Variants in NEURL1 observed in about 807,000 individuals in gnomAD.
The protein encoded by NEURL1 is E3 ubiquitin-protein ligase NEURL1.
NEURL1 carries 26 observed loss-of-function variants against 41.2 expected under a neutral mutation model. The observed-to-expected ratio is 0.63, with a 90% CI of 0.46 to 0.87. NEURL1 has a LOEUF of 0.87. NEURL1 is among the 40% of genes least tolerant of loss of function. The pLI, the probability that NEURL1 is intolerant of heterozygous loss-of-function variation, is 0.00. For synonymous variants in NEURL1, 400 were observed against 402.3 expected, an observed-to-expected ratio of 0.99 and a Z score of 0.07; for missense variants, 761 against 871.1, an observed-to-expected ratio of 0.87 and a Z score of 1.59.
At chr10:103,505,327 A>G (rs2033923558) in intron 1 of NEURL1, among the ~76,000 whole-genome samples, 2 of 151,598 alleles carry the variant, frequency 1.3e-5, no homozygotes, top group Admixed American at 1.3e-4. Flanking sequence ...GGTTCAAGCA[A>G]TTCTCTCTGC....
chr10:103,571,998 A>G (rs2035561732), intron 3 of NEURL1, among the ~76,000 whole-genome samples, 176 bp downstream of exon 3: 1 of 152,144 alleles, frequency 6.6e-6, no homozygotes, highest in Admixed American at 6.5e-5. Context: ...CCTTTCCTCC[A>G]GGCCCGTGGC....
Position 103,494,177 on chromosome 10 carries a change from G to C in NEURL1, c.-211G>C. 4.1e-6 allele frequency: 2 copies of C among 490,350 alleles called. No homozygotes were observed. The allele number at this position is 490,350 out of a possible 1,614,324, so 30.4% of individuals were successfully genotyped here. ...ATGGGAGGCAGGTAGCCCAGCCTGC[G>C]CCAGGACACCCGTGGCGGGCGGAAC... is the stretch of plus-strand genomic sequence containing the variant. On this transcript the variant is annotated 5_prime_UTR_variant, in exon 1 of 6. Coordinates refer to ENST00000369780, the MANE Select transcript of NEURL1 (RefSeq NM_004210.5).
At chr10:103,510,184 T>C (rs1199985476) in intron 1 of NEURL1, among the ~76,000 whole-genome samples, 3 of 152,090 alleles carry the variant, frequency 2.0e-5, no homozygotes, top group Admixed American at 6.5e-5. Flanking sequence ...AGACTGTTTG[T>C]GGGTAAGTCA....
At chr10:103,529,991 A>G (rs1005398863) in intron 1 of NEURL1, among the ~76,000 whole-genome samples, 1 of 152,168 alleles carries the variant, frequency 6.6e-6, no homozygotes, top group African/African-American at 2.4e-5. Context: ...AAAGAAACAA[A>G]AGAGTGGCTA....
chr10:103,535,328 T>G (rs2034668745), intron 1 of NEURL1, among the ~76,000 whole-genome samples: 1 of 152,090 alleles, frequency 6.6e-6, no homozygotes, highest in African/African-American at 2.4e-5. Flanking sequence ...GTTTGGCCTG[T>G]AGGGCAGGAT....
intron 5 of NEURL1, among the ~76,000 whole-genome samples, 187 bp from the exon 6 acceptor site, chr10:103,589,947 G>A (rs1233850051): frequency 1.3e-5 from 2 of 152,246 alleles, no homozygotes; most frequent in Non-Finnish European, 2.9e-5. Context: ...TGGGGTTGGA[G>A]TGGGTCAGAA....
In NEURL1 at chr10:103,558,186, T is replaced by A; in HGVS notation, c.86-12686T>A. The A allele has an allele frequency of 1.0e-6, 1 of 985,412 alleles. No homozygotes were observed. The highest frequency in any genetic ancestry group is 1.2e-6 in the Non-Finnish European group (1 of 829,956). 61.0% of individuals were successfully genotyped at this position (985,412 alleles called of 1,614,324 possible). ...AGCCACCGCGCTTGGCTGATTGTAT[T>A]TTCTTTAGGGCCTTGGACTTTCGGC... On this transcript the variant is annotated intron_variant, in intron 1 of 5. Coordinates refer to ENST00000369780, the MANE Select transcript of NEURL1 (RefSeq NM_004210.5). This position sits in a 1 kb window ranked among gnomAD's most constrained non-coding sequence, Gnocchi z 4.2.
rs544363049 is a variant in NEURL1, at chr10:103,512,367, A to T, written c.85+17895A>T. Among the ~76,000 whole-genome samples the T allele has an allele frequency of 1.1e-3, 165 of 152,332 alleles. 1 individual carries two copies. The highest frequency in any genetic ancestry group is 0.01 in the Middle Eastern group (3 of 294). ...CCATGAGGCAAGGCTGACCAGTGAC[A>T]GTGTGGCCTGAGGCTGTGCAGCCAA... is the stretch of plus-strand genomic sequence containing the variant. On this transcript the variant is annotated intron_variant, in intron 1 of 5. Transcript: ENST00000369780.
At chr10:103,528,534 CA>C (rs199861549) in intron 1 of NEURL1, among the ~76,000 whole-genome samples, 4,212 of 67,774 alleles carry the variant, frequency 0.062, 94 homozygotes, top group Admixed American at 0.14. Flanking sequence ...GACTCCGTCT[CA>C]AAAAAAAAAA....
chr10:103,563,604 G>C (rs2035354024), intron 1 of NEURL1, among the ~76,000 whole-genome samples: 1 of 152,222 alleles, frequency 6.6e-6, no homozygotes, highest in Admixed American at 6.5e-5. Context: ...GAGAGGCGCA[G>C]ATGAGGCAGA....
At chr10:103,507,656 T>G (rs1044025145) in intron 1 of NEURL1, among the ~76,000 whole-genome samples, 3 of 152,056 alleles carry the variant, frequency 2.0e-5, no homozygotes, top group South Asian at 2.1e-4. Context: ...GTGTGAGGTT[T>G]TACAGCCAGG....
At chr10:103,510,794 G>T (rs1336346059) in intron 1 of NEURL1, among the ~76,000 whole-genome samples, 1 of 152,194 alleles carries the variant, frequency 6.6e-6, no homozygotes, top group African/African-American at 2.4e-5. Context: ...GAGAGCTAAA[G>T]TTGCTGGGAA....
intron 1 of NEURL1, chr10:103,555,435 C>T (rs1407773702): frequency 3.7e-6 from 5 of 1,352,100 alleles, no homozygotes; most frequent in African/African-American, 1.5e-5. Context: ...CGGATGCCTG[C>T]GGGCCCGCCC....
At chr10:103,499,169 C>T (rs189646505) in intron 1 of NEURL1, among the ~76,000 whole-genome samples, 92 of 152,294 alleles carry the variant, frequency 6.0e-4, no homozygotes, top group African/African-American at 2.0e-3. Flanking sequence ...CTGGGTGTGA[C>T]GCCAGCGAGA....
chr10:103,589,821 G>A (rs1387199127), intron 5 of NEURL1, among the ~76,000 whole-genome samples, 161 bp downstream of exon 5: 1 of 152,224 alleles, frequency 6.6e-6, no homozygotes, highest in Non-Finnish European at 1.5e-5. Context: ...TCCCCTAGCT[G>A]GGCAGTGCCA....
intron 1 of NEURL1, among the ~76,000 whole-genome samples, chr10:103,533,990 G>A (rs2034639004): frequency 6.6e-6 from 1 of 152,012 alleles, no homozygotes; most frequent in Non-Finnish European, 1.5e-5. Context: ...TACCTTTCAA[G>A]TTCAGAGAAT....
intron 4 of NEURL1, chr10:103,588,805 G>A (rs772939221): frequency 2.3e-6 from 1 of 434,334 alleles, no homozygotes; most frequent in South Asian, 1.6e-5. Flanking sequence ...AATTAGCTGG[G>A]TGTGGTGGCA....
At chr10:103,546,177 C>T (rs768000127) in intron 1 of NEURL1, among the ~76,000 whole-genome samples, 1 of 152,124 alleles carries the variant, frequency 6.6e-6, no homozygotes, top group Non-Finnish European at 1.5e-5. Flanking sequence ...TCAAATTTTA[C>T]ATTTGTGGGT....
Position 103,592,119 on chromosome 10 carries a change from C to G in NEURL1, c.*1747C>G, listed in dbSNP as rs1294427987. ...GGCAGGGCATGGGTTTTAGTCCTGG[C>G]CACTGACCAGCTGTGTGGCCCTGGC... On this transcript the variant is annotated 3_prime_UTR_variant, in exon 6 of 6. Coordinates refer to ENST00000369780, the MANE Select transcript of NEURL1 (RefSeq NM_004210.5). This position sits in a 1 kb window ranked among gnomAD's most constrained non-coding sequence, Gnocchi z 4.8. The G allele has an allele frequency of 2.0e-5, 3 of 152,266 alleles. No homozygotes were observed. The highest frequency in any genetic ancestry group is 6.5e-5 in the Admixed American group (1 of 15,278). The allele number at this position is 152,266 out of a possible 1,614,324, so 9.4% of individuals were successfully genotyped here.
Sources: allele counts gnomAD v4.1 joint callset (sites outside exome capture counted in the v4.1 genomes callset), GRCh38; gene constraint gnomAD v4.1.1; non-coding constraint Gnocchi (gnomAD v3.1); transcripts MANE v1.5; gene names NCBI Gene and HGNC (gene_info 2026-07-23, HGNC 2026-07-21).